The following NBPF14 variants were observed in gnomAD, a reference collection of about 807,000 sequenced individuals.
NBPF14 encodes NBPF family member NBPF14.
A neutral mutation model predicts 91.2 loss-of-function variants in NBPF14; 104 were observed. That is an observed-to-expected ratio of 1.14 (90% CI 0.97 to 1.34). The LOEUF (loss-of-function observed/expected upper bound fraction) is 1.34. Ranked by LOEUF, NBPF14 falls within the 40% of genes most tolerant of loss-of-function variation. NBPF14 has a pLI of 0.00. For missense variants in NBPF14, 908 were observed against 783.0 expected, an observed-to-expected ratio of 1.16 and a Z score of -1.91; for synonymous variants, 294 against 303.8, an observed-to-expected ratio of 0.97 and a Z score of 0.34.
exon 71 of NBPF14, chr1:148,532,441 T>C (rs1653883310): frequency 6.4e-6 from 1 of 157,334 alleles, no homozygotes; most frequent in South Asian, 1.7e-4. Flanking sequence ...CTGACACCAA[T>C]TGGAGGCTGA....
chr1:148,562,005 G>C lies in NBPF14; in HGVS notation c.4274+231C>G, dbSNP rs1448672315. Among the ~76,000 whole-genome samples the C allele has an allele frequency of 1.7e-4, 13 of 74,516 alleles. No homozygotes were observed. In the East Asian group the frequency reaches 7.6e-3, roughly 43 times the overall value. The allele number at this position is 74,516 out of a possible 152,430, so 48.9% of individuals were successfully genotyped here. On this transcript the variant is annotated intron_variant, in intron 34 of 70. Transcript: ENST00000619423. The stretch of plus-strand genomic sequence containing the variant: ...TCAAGTTTCCATGCAGTCACCATGA[G>C]AATACAGTTTTTGAAGTCTGGTCCA...
chr1:148,591,115 T>A, intron 5 of NBPF14, 147 bp from the exon 6 acceptor site: 1 of 627,542 alleles, frequency 1.6e-6, no homozygotes, highest in South Asian at 2.0e-5. Context: ...GAACAGGCAA[T>A]CCTCTTCTCT....
At chr1:148,533,336 G>C (rs1357981409) in intron 70 of NBPF14, 88 bp from the exon 71 acceptor site, 17 of 486,188 alleles carry the variant, frequency 3.5e-5, no homozygotes, top group Admixed American at 2.8e-4. Context: ...ACATAAGGAA[G>C]TGGTTAGAAA....
chr1:148,593,335 C>A (rs1241110369), intron 3 of NBPF14, among the ~76,000 whole-genome samples: 1 of 148,762 alleles, frequency 6.7e-6, no homozygotes, highest in Non-Finnish European at 1.5e-5. Context: ...GGTTCCCACT[C>A]CTTTGGTGAA....
chr1:148,561,749 G>T (rs1331701639), intron 34 of NBPF14, among the ~76,000 whole-genome samples, 170 bp from the exon 35 acceptor site: 8 of 114,082 alleles, frequency 7.0e-5, no homozygotes, highest in East Asian at 2.7e-4. Flanking sequence ...GGGCCAAATG[G>T]AAAAGAATGA....
chr1:148,535,327 G>A (rs1481266375), intron 68 of NBPF14, 126 bp downstream of exon 68: 10 of 600,468 alleles, frequency 1.7e-5, no homozygotes, highest in Non-Finnish European at 2.3e-5. Context: ...AAAACCAACA[G>A]CAATGTCAGT....
In NBPF14 at chr1:148,576,167, A is replaced by T. The variant is rs1382236739; in HGVS notation, c.2078+243T>A. On this transcript the variant is annotated intron_variant, in intron 16 of 70. Coordinates refer to ENST00000619423, the Ensembl canonical transcript of NBPF14. ...TCAATAATTTTCCGTAAACTTGCTC[A>T]AGATTCCATGCAGTTGCCATACAGC... Among the ~76,000 whole-genome samples the T allele has an allele frequency of 3.0e-5, 3 of 99,658 alleles. 1 individual carries two copies. Among genetic ancestry groups the T allele is most frequent in the Non-Finnish European group, 5.4e-5 (3 of 55,334 alleles). The allele number at this position is 99,658 out of a possible 152,430, so 65.4% of individuals were successfully genotyped here. A position where few individuals can be genotyped will look rare whatever the true frequency, so the allele number is the denominator to read the frequency against.
chr1:148,535,801 C>CA (rs1655041490), intron 67 of NBPF14, among the ~76,000 whole-genome samples: 1 of 138,602 alleles, frequency 7.2e-6, no homozygotes, highest in Non-Finnish European at 1.6e-5. Context: ...CAAATGCCCC[C>CA]AAATGGCTGC....
chr1:148,577,313 C>G (rs1268179300), exon 15 of NBPF14: 2 of 619,576 alleles, frequency 3.2e-6, no homozygotes, highest in Non-Finnish European at 5.7e-6. Flanking sequence ...GTGAGTCCTG[C>G]AAGACTTCAG....
At chr1:148,562,203 C>A (rs1259847872) in intron 34 of NBPF14, 33 bp downstream of exon 34, 1 of 175,282 alleles carries the variant, frequency 5.7e-6, no homozygotes, top group East Asian at 1.5e-4. Flanking sequence ...CAGATGTCAA[C>A]ACAGAAGTAG....
At chr1:148,593,950 C>A (rs1357371458) in intron 2 of NBPF14, among the ~76,000 whole-genome samples, 1 of 149,866 alleles carries the variant, frequency 6.7e-6, no homozygotes, top group Non-Finnish European at 1.5e-5. Context: ...TCAACCACAA[C>A]GAAGTGGAGT....
chr1:148,534,637 C>G (rs1453050452), intron 69 of NBPF14, 47 bp downstream of exon 69: 6 of 883,886 alleles, frequency 6.8e-6, no homozygotes, highest in Non-Finnish European at 9.7e-6. Flanking sequence ...TCACCCCTAT[C>G]TGGAAGACCA....
At chr1:148,535,915 C>A (rs1184082845) in intron 67 of NBPF14, among the ~76,000 whole-genome samples, 2 of 150,516 alleles carry the variant, frequency 1.3e-5, no homozygotes, top group East Asian at 2.0e-4. Context: ...ATGAAATCTA[C>A]AAGATCTACA....
intron 5 of NBPF14, among the ~76,000 whole-genome samples, chr1:148,591,205 G>A (rs1208468798): frequency 1.4e-5 from 2 of 147,790 alleles, no homozygotes; most frequent in East Asian, 3.9e-4. Context: ...GATAGGAGCT[G>A]AGGAGGATGA....
chr1:148,534,362 A>C (rs1181811769), intron 69 of NBPF14, among the ~76,000 whole-genome samples: 2 of 151,790 alleles, frequency 1.3e-5, no homozygotes, highest in Non-Finnish European at 2.9e-5. Flanking sequence ...CTGAAATTAG[A>C]GTGAAAAAGG....
chr1:148,595,290 G>A (rs1323702801), intron 2 of NBPF14, among the ~76,000 whole-genome samples: 1 of 148,130 alleles, frequency 6.8e-6, no homozygotes, highest in Non-Finnish European at 1.5e-5. Flanking sequence ...AGGTCATTCT[G>A]TGCCTGCGTT....
Position 148,587,393 on chromosome 1 carries a change from C to T in NBPF14, c.999G>A (p.Glu333=), listed in dbSNP as rs1209629731. ...GCATAAATTTTATGAGGTCTTTGCA[C>T]TCTTCATATTCTGAGAAAAGACAGA... The change falls in exon 8 of 71, where the codon GAG becomes GAA. Residue 333 remains glutamate (E), a synonymous_variant. Transcript: ENST00000619423. 3.2e-6 allele frequency: 5 copies of T among 1,579,188 alleles called. No individual in the cohort carries two copies. The African/African-American group carries it at 4.2e-5, about 13-fold the overall frequency.
chr1:148,591,331 A>G lies in NBPF14; in HGVS notation c.566+101T>C, dbSNP rs1420745923. 5.5e-6 allele frequency: 8 copies of G among 1,450,772 alleles called. 1 individual carries two copies. The highest frequency in any genetic ancestry group is 6.8e-6 in the Non-Finnish European group (7 of 1,036,316). The allele number at this position is 1,450,772 out of a possible 1,614,324, so 89.9% of individuals were successfully genotyped here. On this transcript the variant is annotated intron_variant, in intron 5 of 70. Coordinates refer to ENST00000619423, the Ensembl canonical transcript of NBPF14. The stretch of plus-strand genomic sequence containing the variant: ...GAATTTCACATACTGTGGCCAAGGG[A>G]ATGCGGGCATTTGGCCCATCATAGA...
chr1:148,534,484 G>A lies in NBPF14; in HGVS notation c.8614+200C>T, dbSNP rs1321761024. Among the ~76,000 whole-genome samples the A allele has an allele frequency of 2.0e-5, 3 of 151,820 alleles. No individual in the cohort carries two copies. The East Asian group carries it at 5.8e-4, about 29-fold the overall frequency. On this transcript the variant is annotated intron_variant, in intron 69 of 70. Coordinates refer to ENST00000619423, the Ensembl canonical transcript of NBPF14. ...CGCCACAGGTATGGCCTGAGACTAG[G>A]AAGAGAGTCTTGCTCACTGACCCAT...
Sources: gnomAD v4.1 joint callset for allele counts (sites outside exome capture counted in the v4.1 genomes callset) on GRCh38, gnomAD v4.1.1 for gene constraint, MANE v1.5 for transcripts, NCBI Gene and HGNC (gene_info 2026-07-23, HGNC 2026-07-21) for gene names.